Variants in CHRM3 observed in about 807,000 individuals in gnomAD.
CHRM3 encodes cholinergic receptor muscarinic 3, also known as muscarinic acetylcholine receptor M3.
Under a neutral mutation model 41.8 loss-of-function variants are expected in CHRM3, and 11 were observed. That is an observed-to-expected ratio of 0.26 (90% CI 0.17 to 0.44). The LOEUF (loss-of-function observed/expected upper bound fraction) is 0.44, where lower values mean the gene tolerates loss of function less well. Among genes scored for constraint, CHRM3 ranks in the 20% least tolerant of loss-of-function variants. CHRM3 has a pLI of 1.00. For missense variants in CHRM3, 571 were observed against 745.4 expected (o/e 0.77, Z 2.72); for synonymous variants, 297 against 301.4 (o/e 0.99, Z 0.15).
chr1:239,691,873 G>C (rs556034661), intron 5 of CHRM3, among the ~76,000 whole-genome samples: 1 of 152,226 alleles, frequency 6.6e-6, no homozygotes, highest in East Asian at 1.9e-4. Flanking sequence ...CCCCCCTAAA[G>C]ACTAAATGTC....
At chr1:239,603,392 A>G (rs147721485) in intron 3 of CHRM3, among the ~76,000 whole-genome samples, 14 of 152,298 alleles carry the variant, frequency 9.2e-5, no homozygotes, top group Admixed American at 7.8e-4. Flanking sequence ...GCTATCACCA[A>G]TACCATTCAG....
At chr1:239,508,043 AG>A (rs1193346505) in intron 2 of CHRM3, among the ~76,000 whole-genome samples, 1 of 152,234 alleles carries the variant, frequency 6.6e-6, no homozygotes, top group Admixed American at 6.5e-5. Flanking sequence ...GGGAAGACGG[AG>A]GAAGAGTTCA....
rs570314127 is a variant in CHRM3, at chr1:239,906,093, CT to C, written c.-19-1339del. 3.7e-3 allele frequency among the ~76,000 whole-genome samples: 556 copies of C among 152,210 alleles called. 3 individuals are homozygous for C. Among genetic ancestry groups the C allele is most frequent in the Admixed American group, 5.6e-3 (85 of 15,288 alleles). On this transcript the variant is annotated intron_variant, in intron 6 of 6. Coordinates refer to ENST00000676153, the MANE Select transcript of CHRM3 (RefSeq NM_001375978.1). ...AGAAGTTAAATATCTAAGTTCTCAC[CT>C]CCAGTAAGTAGTCAAACAGATTTGA...
At chr1:239,844,719 C>G (rs1162385798) in intron 6 of CHRM3, among the ~76,000 whole-genome samples, 8 of 152,142 alleles carry the variant, frequency 5.3e-5, no homozygotes. Flanking sequence ...ATTATCAAGA[C>G]AGCTTTATGG....
intron 3 of CHRM3, among the ~76,000 whole-genome samples, chr1:239,625,031 G>A (rs1279711985): frequency 8.3e-5 from 5 of 59,906 alleles, no homozygotes; most frequent in Non-Finnish European, 1.2e-4. Context: ...TTCCAATTCT[G>A]TGAAGAAAGT....
chr1:239,645,687 C>A (rs149570570), intron 4 of CHRM3, among the ~76,000 whole-genome samples: 3 of 151,878 alleles, frequency 2.0e-5, no homozygotes, highest in African/African-American at 7.2e-5. Context: ...GTGTTTATAT[C>A]AAAAACAAAA....
At chr1:239,887,777 T>G (rs1322060235) in intron 6 of CHRM3, among the ~76,000 whole-genome samples, 1 of 152,208 alleles carries the variant, frequency 6.6e-6, no homozygotes, top group South Asian at 2.1e-4. Flanking sequence ...ATATTTTTAT[T>G]GAAATCAGAA....
intron 5 of CHRM3, among the ~76,000 whole-genome samples, chr1:239,737,619 A>G (rs748318391): frequency 3.3e-5 from 5 of 152,134 alleles, no homozygotes; most frequent in Non-Finnish European, 7.4e-5. Flanking sequence ...GCACATTTGT[A>G]TCACTGGTTC....
chr1:239,912,771 C>T lies in CHRM3; in HGVS notation c.*3547C>T, dbSNP rs957644432. ...AGTAGAGATGATTCAAGGATGGGGA[C>T]ATATTCCAGGAAATTGCACAATCTT... On this transcript the variant is annotated 3_prime_UTR_variant, in exon 7 of 7. Coordinates refer to ENST00000676153, the MANE Select transcript of CHRM3 (RefSeq NM_001375978.1). 2.9e-4 allele frequency: 49 copies of T among 167,134 alleles called. No individual in the cohort carries two copies. Among genetic ancestry groups the T allele is most frequent in the Admixed American group, 2.0e-4 (3 of 15,284 alleles). The allele number at this position is 167,134 out of a possible 1,614,324, so 10.4% of individuals were successfully genotyped here. A position where few individuals can be genotyped will look rare whatever the true frequency, so the allele number is the denominator to read the frequency against.
At chr1:239,571,338 A>C (rs1040438393) in intron 3 of CHRM3, among the ~76,000 whole-genome samples, 3 of 152,182 alleles carry the variant, frequency 2.0e-5, no homozygotes, top group Non-Finnish European at 2.9e-5. Flanking sequence ...CAGTGCAAAA[A>C]ATATTTCCCA....
chr1:239,801,474 C>T (rs2148921058), intron 5 of CHRM3, among the ~76,000 whole-genome samples: 1 of 152,284 alleles, frequency 6.6e-6, no homozygotes, highest in Middle Eastern at 3.4e-3. Context: ...TTAAAAATTA[C>T]AGAAGTGTGC....
intron 4 of CHRM3, among the ~76,000 whole-genome samples, chr1:239,672,494 A>T (rs1372209180): frequency 1.3e-5 from 2 of 152,128 alleles, no homozygotes; most frequent in Non-Finnish European, 2.9e-5. Flanking sequence ...ACCCAGATGG[A>T]TAAGGAGCCA....
chr1:239,799,099 C>T (rs998959840), intron 5 of CHRM3, among the ~76,000 whole-genome samples: 5 of 152,074 alleles, frequency 3.3e-5, no homozygotes, highest in Non-Finnish European at 7.4e-5. Flanking sequence ...TGCTGAACAC[C>T]AGCAAAATAA....
At chr1:239,739,937 T>G (rs774607591) in intron 5 of CHRM3, among the ~76,000 whole-genome samples, 9 of 152,084 alleles carry the variant, frequency 5.9e-5, no homozygotes, top group Admixed American at 1.3e-4. Context: ...ACAGGAGAGG[T>G]GTCCAGGGAG....
At chr1:239,892,272 C>G (rs1461025197) in intron 6 of CHRM3, among the ~76,000 whole-genome samples, 3 of 152,178 alleles carry the variant, frequency 2.0e-5, no homozygotes, top group Non-Finnish European at 4.4e-5. Context: ...ATTATATAGG[C>G]TGTGCCAAAG....
chr1:239,659,305 C>A (rs1672983552), intron 4 of CHRM3, among the ~76,000 whole-genome samples: 1 of 152,094 alleles, frequency 6.6e-6, no homozygotes, highest in Non-Finnish European at 1.5e-5. Flanking sequence ...CCCAAGATTC[C>A]CAGTAACAGC....
At position 239,908,849 on chromosome 1, in the gene CHRM3, G is replaced by A; in HGVS notation, c.1398G>A (p.Arg466=). The change falls in exon 7 of 7, where the codon AGG becomes AGA. Residue 466 remains arginine, a synonymous_variant. Coordinates refer to ENST00000676153, the MANE Select transcript of CHRM3 (RefSeq NM_001375978.1). This position sits in a 1 kb window ranked among gnomAD's most constrained non-coding sequence, Gnocchi z 7.2. ...LSFKEATLAK[R]FALKTRSQIT... ...TCAAGGAAGCCACTCTGGCCAAGAG[G>A]TTTGCTCTGAAGACCAGAAGTCAGA... 1 of 1,614,078 alleles carries A rather than the reference G, an allele frequency of 6.2e-7. No individual in the cohort carries two copies. The highest frequency in any genetic ancestry group is 8.5e-7 in the Non-Finnish European group (1 of 1,180,046).
intron 1 of CHRM3, among the ~76,000 whole-genome samples, chr1:239,403,976 G>GAGAGAGAGAGAGA (rs1660203316): frequency 2.2e-5 from 1 of 46,488 alleles, no homozygotes; most frequent in Non-Finnish European, 3.9e-5. Context: ...AGAGGGAGGG[G>GAGAGAGAGAGAGA]GAGAGAGAGA....
At chr1:239,623,122 T>C (rs922322614) in intron 3 of CHRM3, among the ~76,000 whole-genome samples, 2 of 152,224 alleles carry the variant, frequency 1.3e-5, no homozygotes, top group Non-Finnish European at 2.9e-5. Flanking sequence ...TAAAGGTTTT[T>C]TTTTATTATA....
Sources: gnomAD v4.1 joint callset for allele counts (sites outside exome capture counted in the v4.1 genomes callset) on GRCh38, gnomAD v4.1.1 for gene constraint, Gnocchi (gnomAD v3.1) non-coding constraint, MANE v1.5 for transcripts, NCBI Gene and HGNC (gene_info 2026-07-23, HGNC 2026-07-21) for gene names.